Variants in PCNX1 observed in about 807,000 individuals in gnomAD.
PCNX1 encodes pecanex-like protein 1.
PCNX1 carries 78 observed loss-of-function variants against 242.2 expected under a neutral mutation model. The ratio of observed to expected loss-of-function variants is 0.32; its 90% CI spans 0.27 to 0.39. The LOEUF (loss-of-function observed/expected upper bound fraction) is 0.39. Among genes scored for constraint, PCNX1 ranks in the 10% least tolerant of loss-of-function variants. The pLI, the probability that PCNX1 is intolerant of heterozygous loss-of-function variation, is 1.00. For synonymous variants in PCNX1, 1,024 were observed against 1,032.9 expected, an observed-to-expected ratio of 0.99 and a Z score of 0.17; for missense variants, 2,581 against 2,856.5, an observed-to-expected ratio of 0.90 and a Z score of 2.20.
chr14:70,936,010 G>T (rs1316089873), intron 1 of PCNX1, among the ~76,000 whole-genome samples: 1 of 152,164 alleles, frequency 6.6e-6, no homozygotes, highest in Non-Finnish European at 1.5e-5. Context: ...AAAGCAGTTT[G>T]TGTTGTGTGT....
intron 26 of PCNX1, among the ~76,000 whole-genome samples, chr14:71,064,214 CAG>C (rs2061392592): frequency 6.6e-6 from 1 of 151,970 alleles, no homozygotes; most frequent in South Asian, 2.1e-4. Flanking sequence ...TAATTGAAAA[CAG>C]AATATCTCCT....
At chr14:71,097,976 G>A (rs2062341524) in intron 30 of PCNX1, among the ~76,000 whole-genome samples, 1 of 152,218 alleles carries the variant, frequency 6.6e-6, no homozygotes, top group Non-Finnish European at 1.5e-5. Context: ...GTGAAAGATA[G>A]GAGTCTGGTT....
intron 26 of PCNX1, among the ~76,000 whole-genome samples, chr14:71,059,796 C>T (rs2061278927): frequency 6.6e-6 from 1 of 152,186 alleles, no homozygotes; most frequent in African/African-American, 2.4e-5. Context: ...TGAACACATC[C>T]TATGGTACTC....
intron 30 of PCNX1, among the ~76,000 whole-genome samples, chr14:71,097,058 A>G (rs2062307842): frequency 6.6e-6 from 1 of 152,184 alleles, no homozygotes; most frequent in African/African-American, 2.4e-5. Flanking sequence ...CAATTCCTAG[A>G]AGAGAGGAGC....
chr14:71,072,158 T>C (rs1374975012), intron 26 of PCNX1, among the ~76,000 whole-genome samples: 1 of 152,190 alleles, frequency 6.6e-6, no homozygotes, highest in Non-Finnish European at 1.5e-5. Flanking sequence ...GAGCACATGC[T>C]GTTGGAAAAA....
At chr14:71,025,962 C>T (rs2060233222) in intron 13 of PCNX1, among the ~76,000 whole-genome samples, 155 bp from the exon 14 acceptor site, 1 of 152,178 alleles carries the variant, frequency 6.6e-6, no homozygotes, top group African/African-American at 2.4e-5. Context: ...ATTCTTCCTC[C>T]TTTCTATATT....
intron 28 of PCNX1, 60 bp downstream of exon 28, chr14:71,076,479 G>A (rs959575845): frequency 1.1e-5 from 12 of 1,083,676 alleles, no homozygotes; most frequent in Admixed American, 1.9e-5. Flanking sequence ...TGCAAAGAAT[G>A]TCCCTGTTAG....
chr14:71,010,124 AT>A (rs2059782043), intron 9 of PCNX1, among the ~76,000 whole-genome samples: 2 of 151,898 alleles, frequency 1.3e-5, no homozygotes, highest in Non-Finnish European at 2.9e-5. Flanking sequence ...TTAAGGTAGA[AT>A]TTTTTTTGCT....
intron 1 of PCNX1, among the ~76,000 whole-genome samples, chr14:70,910,210 C>G (rs1464524053): frequency 1.6e-4 from 15 of 92,352 alleles, no homozygotes; most frequent in African/African-American, 5.7e-4. Context: ...CCTCCTCGTC[C>G]TCCTCCTCCT....
In PCNX1 at chr14:71,003,039, A is replaced by G. The variant is rs546987128; in HGVS notation, c.2630-6595A>G. The stretch of plus-strand genomic sequence containing the variant: ...ATATCTTCTTTTGTGAAGTGTGTCC[A>G]GAAATTTACTCATTTTAAAAATCGG... On this transcript the variant is annotated intron_variant, in intron 8 of 35. Transcript: ENST00000304743. Among the ~76,000 whole-genome samples, 69 of 149,532 alleles carry G rather than the reference A, an allele frequency of 4.6e-4. 1 individual carries two copies. Among genetic ancestry groups the G allele is most frequent in the African/African-American group, 1.6e-3 (65 of 40,192 alleles).
chr14:70,995,803 C>G lies in PCNX1; in HGVS notation c.2507C>G (p.Pro836Arg), dbSNP rs771515714. The G allele has an allele frequency of 6.2e-7, 1 of 1,614,106 alleles. No individual in the cohort carries two copies. The highest frequency in any genetic ancestry group is 2.2e-5 in the East Asian group (1 of 44,880). The change falls in exon 8 of 36, where the codon CCT (proline) becomes CGT (arginine). Residue 836 changes from proline to arginine, a missense_variant. Physicochemically the swap from Pro to Arg is moderately radical, Grantham distance 103. Transcript: ENST00000304743. ...CAGGTCAAAGTCCAGTCCCGCCCCC[C>G]TTCCCAGGCTGCAGTGCTCAGTGCT... Reference protein sequence around the residue: ...TAQVKVQSRPPSQAAVLSASA... With the variant: ...TAQVKVQSRPRSQAAVLSASA...
intron 1 of PCNX1, among the ~76,000 whole-genome samples, chr14:70,910,301 T>G (rs2055840022): frequency 6.9e-6 from 1 of 145,236 alleles, no homozygotes. Context: ...TTCTCTCTCC[T>G]GGATTATTGC....
At chr14:70,970,380 T>C (rs974821035) in intron 5 of PCNX1, among the ~76,000 whole-genome samples, 2 of 152,032 alleles carry the variant, frequency 1.3e-5, no homozygotes, top group South Asian at 2.1e-4. Context: ...TCTCAGTCAA[T>C]CAACCAATCA....
chr14:71,000,964 G>T (rs886084302), intron 8 of PCNX1, among the ~76,000 whole-genome samples: 6 of 152,268 alleles, frequency 3.9e-5, no homozygotes, highest in African/African-American at 1.4e-4. Flanking sequence ...ATGCGATCTT[G>T]GGAAAGTTAT....
At chr14:71,050,911 G>C (rs1452498138) in intron 23 of PCNX1, 151 bp downstream of exon 23, 5 of 714,686 alleles carry the variant, frequency 7.0e-6, no homozygotes, top group Non-Finnish European at 1.1e-5. Flanking sequence ...GCTCACGCCT[G>C]TAATCCCAGC....
chr14:71,100,331 AT>A (rs1339981942), intron 30 of PCNX1, among the ~76,000 whole-genome samples: 2 of 152,150 alleles, frequency 1.3e-5, no homozygotes, highest in African/African-American at 4.8e-5. Context: ...TCTGGAAAAG[AT>A]TTTATTTCTC....
intron 26 of PCNX1, among the ~76,000 whole-genome samples, chr14:71,059,143 C>G (rs2061259704): frequency 6.6e-6 from 1 of 152,116 alleles, no homozygotes; most frequent in Admixed American, 6.5e-5. Context: ...GGGGGTGGTT[C>G]TTCTTACCAT....
At chr14:71,049,270 T>C (rs2060953441) in intron 22 of PCNX1, 1 of 186,576 alleles carries the variant, frequency 5.4e-6, no homozygotes, top group African/African-American at 2.4e-5. Flanking sequence ...TTCTAGATGC[T>C]TAGGCTACAC....
chr14:71,033,607 T>G, intron 17 of PCNX1, 69 bp downstream of exon 17: 1 of 833,054 alleles, frequency 1.2e-6, no homozygotes, highest in Non-Finnish European at 2.0e-6. Context: ...CAAATACCTT[T>G]GAAGATCTCT....
Sources: gnomAD v4.1 joint callset for allele counts (sites outside exome capture counted in the v4.1 genomes callset) on GRCh38, gnomAD v4.1.1 for gene constraint, MANE v1.5 for transcripts, NCBI Gene and HGNC (gene_info 2026-07-23, HGNC 2026-07-21) for gene names.